SOCS5: variants seen among roughly 807,000 people sequenced by gnomAD.
The protein encoded by SOCS5 is suppressor of cytokine signaling 5, also known as CIS-6.
Under a neutral mutation model 42.8 loss-of-function variants are expected in SOCS5, and 32 were observed. The observed-to-expected ratio is 0.75, with a 90% CI of 0.56 to 1.01. SOCS5 has a LOEUF of 1.01. Among genes scored for constraint, SOCS5 ranks in the 50% least tolerant of loss-of-function variants. The pLI, the probability that SOCS5 is intolerant of heterozygous loss-of-function variation, is 0.00. For missense variants in SOCS5, 627 were observed against 653.0 expected (o/e 0.96, Z 0.43); for synonymous variants, 283 against 229.6 (o/e 1.23, Z -2.10).
intron 1 of SOCS5, among the ~76,000 whole-genome samples, chr2:46,709,359 A>G (rs1436509763): frequency 2.0e-5 from 3 of 152,230 alleles, no homozygotes; most frequent in Non-Finnish European, 4.4e-5. Flanking sequence ...TTAATTTGTC[A>G]TAAAGATGAG....
chr2:46,744,898 T>C (rs1332523991), intron 1 of SOCS5, among the ~76,000 whole-genome samples: 2 of 150,042 alleles, frequency 1.3e-5, no homozygotes, highest in South Asian at 2.1e-4. Flanking sequence ...TGGGAAATAG[T>C]TGTGGAATGG....
At chr2:46,698,994 G>T (rs566027073), upstream of SOCS5, 4 of 152,414 alleles carry the variant, frequency 2.6e-5, no homozygotes, top group Non-Finnish European at 5.9e-5. Flanking sequence ...GGACCTCCCC[G>T]ACTCCCGGGC....
At chr2:46,732,989 A>G (rs1034039296) in intron 1 of SOCS5, among the ~76,000 whole-genome samples, 3 of 152,020 alleles carry the variant, frequency 2.0e-5, no homozygotes, top group African/African-American at 7.3e-5. Context: ...GTGAATCATA[A>G]TTGGAGAGAT....
At chr2:46,713,399 T>C (rs1672671580) in intron 1 of SOCS5, among the ~76,000 whole-genome samples, 1 of 152,210 alleles carries the variant, frequency 6.6e-6, no homozygotes, top group Admixed American at 6.6e-5. Context: ...TTCTTTTTTA[T>C]GTCTGTTTTG....
At chr2:46,712,281 T>C (rs1004283189) in intron 1 of SOCS5, among the ~76,000 whole-genome samples, 6 of 151,742 alleles carry the variant, frequency 4.0e-5, no homozygotes, top group African/African-American at 1.5e-4. Context: ...CTTTATCAGA[T>C]TGAAGAAGTT....
intron 1 of SOCS5, among the ~76,000 whole-genome samples, chr2:46,709,074 A>T (rs552903999): frequency 4.6e-4 from 70 of 152,002 alleles, no homozygotes; most frequent in African/African-American, 1.6e-3. Context: ...TTTAGTAGAG[A>T]TGAGGTTTCA....
chr2:46,732,977 T>C (rs1233594771), intron 1 of SOCS5, among the ~76,000 whole-genome samples: 2 of 152,124 alleles, frequency 1.3e-5, no homozygotes, highest in African/African-American at 4.8e-5. Flanking sequence ...AAAAATCGTG[T>C]GGTGAATCAT....
intron 1 of SOCS5, among the ~76,000 whole-genome samples, chr2:46,743,968 G>A (rs1673440202): frequency 6.7e-6 from 1 of 149,546 alleles, no homozygotes; most frequent in African/African-American, 2.5e-5. Flanking sequence ...TTTATATCAG[G>A]GATGATGTCT....
intron 1 of SOCS5, among the ~76,000 whole-genome samples, chr2:46,742,058 A>G (rs72802456): frequency 0.049 from 7,392 of 152,330 alleles, 259 homozygotes; most frequent in Non-Finnish European, 0.08. Flanking sequence ...TACCATTAAA[A>G]TGTAAAAGAA....
intron 1 of SOCS5, among the ~76,000 whole-genome samples, chr2:46,707,180 C>T (rs1015590476): frequency 8.5e-5 from 13 of 152,152 alleles, no homozygotes; most frequent in African/African-American, 2.9e-4. Context: ...AATTATGGTT[C>T]TCTTTGTGCC....
intron 1 of SOCS5, among the ~76,000 whole-genome samples, chr2:46,715,772 C>T (rs1235574067): frequency 6.6e-6 from 1 of 152,070 alleles, no homozygotes; most frequent in African/African-American, 2.4e-5. Context: ...TTATGTTGAG[C>T]CTTTGTGTGG....
rs78230892 is a variant in SOCS5, at chr2:46,719,427, A to G, written c.-13+19978A>G. On this transcript the variant is annotated intron_variant, in intron 1 of 1. Transcript: ENST00000394861. The stretch of plus-strand genomic sequence containing the variant: ...GTTTCTATCAAACAGTTCTTTATGC[A>G]CTTGAATAAATTTAATATTACTATC... Among the ~76,000 whole-genome samples the G allele has an allele frequency of 2.6e-3, 399 of 152,308 alleles. 2 individuals carry two copies. Among genetic ancestry groups the G allele is most frequent in the African/African-American group, 8.9e-3 (371 of 41,578 alleles).
rs1673885977 is a variant in SOCS5 at position 46,762,169 on chromosome 2, A to T, written c.*2028A>T. ...TAAAGTCCCTGAAGATCATATACCAAAGTGTTTGAGAACTTCATCCAAACC... is the reference window on the plus strand; with the variant it reads ...TAAAGTCCCTGAAGATCATATACCATAGTGTTTGAGAACTTCATCCAAACC... On this transcript the variant is annotated 3_prime_UTR_variant, in exon 2 of 2. Coordinates refer to ENST00000394861, the MANE Select transcript of SOCS5 (RefSeq NM_144949.3). The T allele has an allele frequency of 6.0e-6, 1 of 167,058 alleles. No homozygotes were observed. Among genetic ancestry groups the T allele is most frequent in the Non-Finnish European group, 1.5e-5 (1 of 68,088 alleles). 10.3% of individuals were successfully genotyped at this position (167,058 alleles called of 1,614,324 possible).
chr2:46,732,974 G>A (rs750832337), intron 1 of SOCS5, among the ~76,000 whole-genome samples: 8 of 151,918 alleles, frequency 5.3e-5, no homozygotes, highest in South Asian at 4.2e-4. Context: ...TTTAAAAATC[G>A]TGTGGTGAAT....
chr2:46,708,045 A>T (rs1166388669), intron 1 of SOCS5, among the ~76,000 whole-genome samples: 1 of 152,250 alleles, frequency 6.6e-6, no homozygotes, highest in African/African-American at 2.4e-5. Flanking sequence ...CCAAATTGTA[A>T]GTCAGAGACT....
intron 1 of SOCS5, among the ~76,000 whole-genome samples, chr2:46,745,965 T>C (rs1309438072): frequency 3.3e-5 from 5 of 152,174 alleles, no homozygotes; most frequent in South Asian, 4.1e-4. Flanking sequence ...TCCTAAATTA[T>C]AATACCGTTA....
chr2:46,756,142 G>A (rs1434893583), intron 1 of SOCS5, among the ~76,000 whole-genome samples: 1 of 152,168 alleles, frequency 6.6e-6, no homozygotes, highest in African/African-American at 2.4e-5. Context: ...TATATAAGGA[G>A]ATGAGTGGTT....
intron 1 of SOCS5, among the ~76,000 whole-genome samples, chr2:46,729,386 G>A (rs1295041912): frequency 5.3e-5 from 8 of 152,142 alleles, no homozygotes; most frequent in South Asian, 2.1e-4. Context: ...GTCATTAAGC[G>A]ATTTCATTGT....
At chr2:46,701,956 A>T (rs918543094) in intron 1 of SOCS5, among the ~76,000 whole-genome samples, 1 of 151,644 alleles carries the variant, frequency 6.6e-6, no homozygotes, top group Non-Finnish European at 1.5e-5. Context: ...AGAGAGTAGA[A>T]TTACATGATC....
Sources: allele counts gnomAD v4.1 joint callset (sites outside exome capture counted in the v4.1 genomes callset), GRCh38; gene constraint gnomAD v4.1.1; transcripts MANE v1.5; gene names NCBI Gene and HGNC (gene_info 2026-07-23, HGNC 2026-07-21).